SPTLC2: variants seen among roughly 807,000 people sequenced by gnomAD.
The protein encoded by SPTLC2 is serine palmitoyltransferase 2.
In SPTLC2, 21 loss-of-function variants were observed where a neutral mutation model predicts 62.0. That is an observed-to-expected ratio of 0.34 (90% CI 0.24 to 0.49). The LOEUF (loss-of-function observed/expected upper bound fraction) is 0.49, where lower values mean the gene tolerates loss of function less well. SPTLC2 is among the 20% of genes least tolerant of loss of function. The probability of loss-of-function intolerance (pLI) is 0.99; values close to 1 mark genes in which losing one functional copy is unlikely to be tolerated. For missense variants in SPTLC2, 511 were observed against 713.0 expected, an observed-to-expected ratio of 0.72 and a Z score of 3.23; for synonymous variants, 261 against 261.8, an observed-to-expected ratio of 1.00 and a Z score of 0.03.
intron 9 of SPTLC2, among the ~76,000 whole-genome samples, chr14:77,541,480 C>G (rs897166328): frequency 6.9e-6 from 1 of 144,034 alleles, no homozygotes; most frequent in Non-Finnish European, 1.5e-5. Context: ...AATGCAAGGA[C>G]TCTGTGCACA....
Position 77,557,028 on chromosome 14 carries a change from A to G in SPTLC2, c.956+13T>C, listed in dbSNP as rs1439808019. 6.2e-7 allele frequency: 1 copy of G among 1,606,458 alleles called. No homozygotes were observed. Among genetic ancestry groups the G allele is most frequent in the Non-Finnish European group, 8.5e-7 (1 of 1,173,244 alleles). On this transcript the variant is annotated intron_variant, in intron 7 of 11. Transcript: ENST00000216484. ...GCCAAGTCACAAAGGTAAGAATAAT[A>G]AAGCAGGATTACCTATATATTCCTT...
At chr14:77,553,428 G>A (rs1464036759) in intron 8 of SPTLC2, among the ~76,000 whole-genome samples, 1 of 152,028 alleles carries the variant, frequency 6.6e-6, no homozygotes, top group Non-Finnish European at 1.5e-5. Context: ...GGTAATATTT[G>A]AGATAAAAAT....
intron 9 of SPTLC2, chr14:77,536,058 AG>A (rs1383414969): frequency 2.4e-6 from 1 of 422,780 alleles, no homozygotes; most frequent in African/African-American, 2.1e-5. Flanking sequence ...ACCAGCAAAA[AG>A]GCTAAAAACT....
At chr14:77,558,111 G>C (rs1183304990) in intron 6 of SPTLC2, among the ~76,000 whole-genome samples, 2 of 150,640 alleles carry the variant, frequency 1.3e-5, no homozygotes, top group African/African-American at 4.9e-5. Context: ...GCAATGGTGT[G>C]ATCTCTCCTC....
At chr14:77,574,570 T>A (rs1245071313) in intron 4 of SPTLC2, among the ~76,000 whole-genome samples, 1 of 152,114 alleles carries the variant, frequency 6.6e-6, no homozygotes, top group Non-Finnish European at 1.5e-5. Flanking sequence ...CTGCTGACAA[T>A]AGCCAAAAAG....
At chr14:77,606,448 T>C (rs2079906032) in intron 1 of SPTLC2, among the ~76,000 whole-genome samples, 1 of 151,992 alleles carries the variant, frequency 6.6e-6, no homozygotes, top group Non-Finnish European at 1.5e-5. Flanking sequence ...GCATCAGCAC[T>C]GCTGGCCTAG....
At chr14:77,529,140 A>AT (rs979856516) in intron 9 of SPTLC2, among the ~76,000 whole-genome samples, 3 of 151,178 alleles carry the variant, frequency 2.0e-5, no homozygotes, top group African/African-American at 4.9e-5. Flanking sequence ...GCCCAGCCTT[A>AT]TTTTTATTAT....
intron 2 of SPTLC2, among the ~76,000 whole-genome samples, chr14:77,590,942 G>A (rs893513659): frequency 9.9e-5 from 15 of 152,114 alleles, no homozygotes; most frequent in Admixed American, 7.9e-4. Context: ...GGAAACTCTT[G>A]CAAACCTAAC....
chr14:77,602,919 C>G (rs1477871758), intron 1 of SPTLC2, among the ~76,000 whole-genome samples: 1 of 152,098 alleles, frequency 6.6e-6, no homozygotes, highest in East Asian at 1.9e-4. Flanking sequence ...CTAATGATAT[C>G]CTCTATAGCA....
At chr14:77,563,694 AAGATTAC>A (rs1029805959) in intron 5 of SPTLC2, among the ~76,000 whole-genome samples, 2 of 152,106 alleles carry the variant, frequency 1.3e-5, no homozygotes, top group Admixed American at 1.3e-4. Context: ...CCGAAGTGCC[AAGATTAC>A]AGGTGTGAGA....
chr14:77,550,287 A>G (rs1424074250), intron 9 of SPTLC2, among the ~76,000 whole-genome samples: 2 of 152,256 alleles, frequency 1.3e-5, no homozygotes, highest in Non-Finnish European at 2.9e-5. Context: ...ATTTAAGAAA[A>G]CAGTCGACTG....
intron 10 of SPTLC2, 22 bp downstream of exon 10, chr14:77,521,424 T>C: frequency 6.2e-7 from 1 of 1,614,150 alleles, no homozygotes; most frequent in East Asian, 2.2e-5. Flanking sequence ...CAGACTGGTC[T>C]GTGATCTGCA....
intron 1 of SPTLC2, among the ~76,000 whole-genome samples, chr14:77,600,811 C>T (rs960079469): frequency 1.3e-5 from 2 of 151,894 alleles, no homozygotes; most frequent in Admixed American, 6.6e-5. Context: ...TTTTTTCCGA[C>T]AAGACTATAA....
intron 4 of SPTLC2, among the ~76,000 whole-genome samples, chr14:77,572,508 G>A (rs1447839124): frequency 6.6e-6 from 1 of 152,186 alleles, no homozygotes; most frequent in Non-Finnish European, 1.5e-5. Flanking sequence ...AAATTAAAAT[G>A]AGGTCATTCA....
intron 2 of SPTLC2, among the ~76,000 whole-genome samples, chr14:77,585,735 G>A (rs58440413): frequency 0.056 from 8,597 of 152,202 alleles, 260 homozygotes; most frequent in Middle Eastern, 0.12. Flanking sequence ...TTCAAAACTT[G>A]CTAAGTAAAG....
chr14:77,605,158 T>C (rs936017781), intron 1 of SPTLC2, among the ~76,000 whole-genome samples: 1 of 151,296 alleles, frequency 6.6e-6, no homozygotes, highest in East Asian at 1.9e-4. Context: ...ACTATACAAG[T>C]GCCCGCCACC....
chr14:77,602,042 A>C (rs559416329), intron 1 of SPTLC2, among the ~76,000 whole-genome samples: 1 of 151,908 alleles, frequency 6.6e-6, no homozygotes, highest in Non-Finnish European at 1.5e-5. Context: ...GTGGCAAGTC[A>C]ACTGCGGGGA....
chr14:77,527,666 C>T (rs1261058354), intron 9 of SPTLC2, among the ~76,000 whole-genome samples: 1 of 152,076 alleles, frequency 6.6e-6, no homozygotes, highest in Non-Finnish European at 1.5e-5. Flanking sequence ...AAATAAACTC[C>T]ATAAGCCCTC....
intron 4 of SPTLC2, among the ~76,000 whole-genome samples, chr14:77,571,905 T>C (rs8023132): frequency 0.58 from 87,590 of 151,744 alleles, 26,045 homozygotes; most frequent in East Asian, 0.91. Context: ...ATTCTCCTGC[T>C]TCAGCCTCCC....
Sources: gnomAD v4.1 joint callset for allele counts (sites outside exome capture counted in the v4.1 genomes callset) on GRCh38, gnomAD v4.1.1 for gene constraint, MANE v1.5 for transcripts, NCBI Gene and HGNC (gene_info 2026-07-23, HGNC 2026-07-21) for gene names.